SLC41A1: variants seen among roughly 807,000 people sequenced by gnomAD.
The protein encoded by SLC41A1 is solute carrier family 41 member 1.
A neutral mutation model predicts 47.3 loss-of-function variants in SLC41A1; 20 were observed. The observed-to-expected ratio is 0.42, with a 90% confidence interval of 0.30 to 0.61. SLC41A1 has a LOEUF of 0.61. Ranked by LOEUF, SLC41A1 falls within the 20% of genes least tolerant of loss-of-function variation. SLC41A1 has a pLI of 0.17. For missense variants in SLC41A1, 504 were observed against 674.1 expected (o/e 0.75, Z 2.79); for synonymous variants, 282 against 272.7 (o/e 1.03, Z -0.34).
At position 205,804,253 on chromosome 1, in the gene SLC41A1, C is replaced by T. The variant is rs750336081; in HGVS notation, c.373-3193G>A. On this transcript the variant is annotated intron_variant, in intron 2 of 10. Transcript: ENST00000367137. ...AAGGCAAGAACCTCTCTTTTCCTGT[C>T]GGAGCTCTCCCTGTGTGAATGGGGT... is the stretch of plus-strand genomic sequence containing the variant. 6.6e-5 allele frequency among the ~76,000 whole-genome samples: 10 copies of T among 152,112 alleles called. No homozygotes were observed. The East Asian group carries it at 7.7e-4, about 12-fold the overall frequency.
chr1:205,812,781 C>T, intron 1 of SLC41A1, 27 bp downstream of exon 1: 1 of 985,662 alleles, frequency 1.0e-6, no homozygotes, highest in Non-Finnish European at 1.2e-6. Flanking sequence ...CCACCCCCTC[C>T]CCGCCCCAGG....
chr1:205,809,994 G>A, intron 2 of SLC41A1, 76 bp downstream of exon 2: 2 of 1,599,582 alleles, frequency 1.3e-6, no homozygotes, highest in Non-Finnish European at 1.7e-6. Flanking sequence ...GGGAGGTAGA[G>A]AGGAAGTTCC....
At chr1:205,795,550 A>C (rs1305328576) in intron 8 of SLC41A1, 72 bp from the exon 9 acceptor site, 32 of 1,568,330 alleles carry the variant, frequency 2.0e-5, no homozygotes, top group African/African-American at 2.7e-5. Context: ...TGATCTTCTC[A>C]CTCTTTGTCT....
Position 205,795,382 on chromosome 1 carries a change from C to T in SLC41A1, c.1169G>A (p.Arg390His), listed in dbSNP as rs760882426. 12 of 1,614,172 alleles carry T rather than the reference C, an allele frequency of 7.4e-6. No individual in the cohort carries two copies. Among genetic ancestry groups the T allele is most frequent in the South Asian group, 2.2e-5 (2 of 91,080 alleles). ...MPGENSEQAPRRCPSPCTTFF... is the reference protein window; with the variant it reads ...MPGENSEQAPHRCPSPCTTFF... ...GGTGGTACAAGGACTGGGACAGCGG[C>T]GAGGAGCTTGCTCAGAGTTCTCTCC... The change falls in exon 9 of 11, where the codon CGC becomes CAC. Residue 390 changes from arginine to histidine, a missense_variant. Around this residue, in one of 2 missense-constraint regions of SLC41A1, gnomAD observed 421 missense variants for 601.6 expected, o/e 0.70. Coordinates refer to ENST00000367137, the MANE Select transcript of SLC41A1 (RefSeq NM_173854.6).
intron 2 of SLC41A1, among the ~76,000 whole-genome samples, chr1:205,802,831 T>A (rs1655921859): frequency 6.6e-6 from 1 of 152,086 alleles, no homozygotes; most frequent in African/African-American, 2.4e-5. Context: ...CTCATTAGGA[T>A]GGTTACTATT....
chr1:205,797,976 C>T lies in SLC41A1; in HGVS notation c.920G>A (p.Arg307Gln), dbSNP rs560410634. The T allele has an allele frequency of 1.5e-5, 24 of 1,614,120 alleles. No individual in the cohort carries two copies. The highest frequency in any genetic ancestry group is 1.6e-4 in the Middle Eastern group (1 of 6,062). Reference protein sequence around the residue: ...ALLPVWVVLARRSPATREVLY... With the variant: ...ALLPVWVVLAQRSPATREVLY... ...CACCTCCCTTGTGGCTGGACTTCGT[C>T]GGGCCAGCACCACCCAGACAGGCAG... is the stretch of plus-strand genomic sequence containing the variant. Residue 307 changes from arginine to glutamine, a missense_variant, in exon 7 of 11, where the codon CGA becomes CAA. Transcript: ENST00000367137.
At chr1:205,805,900 A>T (rs1414786617) in intron 2 of SLC41A1, among the ~76,000 whole-genome samples, 4 of 152,174 alleles carry the variant, frequency 2.6e-5, no homozygotes, top group Non-Finnish European at 5.9e-5. Flanking sequence ...GAGCCACCTC[A>T]GGAGGGTAGC....
chr1:205,792,082 G>T (rs549810563), intron 10 of SLC41A1, among the ~76,000 whole-genome samples: 41 of 152,274 alleles, frequency 2.7e-4, no homozygotes, highest in African/African-American at 9.9e-4. Context: ...CTCATTCTGG[G>T]GTCACTCCAA....
chr1:205,813,017 C>T lies in SLC41A1; in HGVS notation c.-856G>A. 1.0e-6 allele frequency: 1 copy of T among 985,544 alleles called. No homozygotes were observed. Among genetic ancestry groups the T allele is most frequent in the Non-Finnish European group, 1.2e-6 (1 of 830,010 alleles). 61.0% of individuals were successfully genotyped at this position (985,544 alleles called of 1,614,324 possible). A position where few individuals can be genotyped will look rare whatever the true frequency, so the allele number is the denominator to read the frequency against. On this transcript the variant is annotated 5_prime_UTR_variant, in exon 1 of 11. Transcript: ENST00000367137. ...TCGCTTCTGCGTTACAGCGAGGCCG[C>T]CGCTCCGCTTCCACGCGGGGGAGGT... is the stretch of plus-strand genomic sequence containing the variant.
intron 2 of SLC41A1, among the ~76,000 whole-genome samples, chr1:205,806,876 T>C (rs547857748): frequency 8.0e-4 from 122 of 152,302 alleles, no homozygotes; most frequent in African/African-American, 2.9e-3. Context: ...CAACTTTTTA[T>C]TTTTATTTTT....
chr1:205,798,066 G>C lies in SLC41A1; in HGVS notation c.845-15C>G. The C allele has an allele frequency of 2.5e-6, 4 of 1,614,180 alleles. No homozygotes were observed. The highest frequency in any genetic ancestry group is 3.4e-6 in the Non-Finnish European group (4 of 1,180,038). ...TCGCCAGTGATCTGAGAGGGCAGAG[G>C]TCAGAAGGAGATAAGCACTGTGTTT... On this transcript the variant is annotated splice_polypyrimidine_tract_variant and intron_variant, in intron 6 of 10. Coordinates refer to ENST00000367137, the MANE Select transcript of SLC41A1 (RefSeq NM_173854.6).
intron 8 of SLC41A1, 191 bp from the exon 9 acceptor site, chr1:205,795,669 C>T (rs1047766248): frequency 1.3e-5 from 9 of 696,378 alleles, no homozygotes; most frequent in Non-Finnish European, 2.2e-5. Flanking sequence ...AGACAAAGAC[C>T]CCTGCTTCCA....
At chr1:205,803,607 C>G (rs1376466776) in intron 2 of SLC41A1, among the ~76,000 whole-genome samples, 2 of 150,352 alleles carry the variant, frequency 1.3e-5, no homozygotes, top group Non-Finnish European at 3.0e-5. Context: ...AAACACTTAT[C>G]TGAGGTATCC....
At chr1:205,796,003 G>T (rs1235184393) in intron 8 of SLC41A1, 3 of 221,206 alleles carry the variant, frequency 1.4e-5, no homozygotes, top group Non-Finnish European at 1.8e-5. Context: ...GCCAGGACCT[G>T]TGCTGATTTC....
chr1:205,794,699 A>C (rs1198944464), intron 10 of SLC41A1, among the ~76,000 whole-genome samples, 171 bp downstream of exon 10: 1 of 151,916 alleles, frequency 6.6e-6, no homozygotes, highest in Non-Finnish European at 1.5e-5. Context: ...CATGTTGGTG[A>C]CTCTACTGGA....
rs887090123 is a variant in SLC41A1 at position 205,812,981 on chromosome 1, C to T, written c.-820G>A. 2.0e-6 allele frequency: 2 copies of T among 985,898 alleles called. No homozygotes were observed. The highest frequency in any genetic ancestry group is 2.4e-6 in the Non-Finnish European group (2 of 830,408). The allele number at this position is 985,898 out of a possible 1,614,324, so 61.1% of individuals were successfully genotyped here. A position where few individuals can be genotyped will look rare whatever the true frequency, so the allele number is the denominator to read the frequency against. ...GCGAGCGTCCAGCCGCGACACCCGG[C>T]TCGCTACATTTCGCTTCTGCGTTAC... is the stretch of plus-strand genomic sequence containing the variant. On this transcript the variant is annotated 5_prime_UTR_variant, in exon 1 of 11. Coordinates refer to ENST00000367137, the MANE Select transcript of SLC41A1 (RefSeq NM_173854.6).
intron 2 of SLC41A1, chr1:205,801,330 T>C: frequency 2.4e-6 from 1 of 420,594 alleles, no homozygotes; most frequent in Admixed American, 3.5e-5. Flanking sequence ...CCTTTTCTGT[T>C]TTCCTGGAGG....
At chr1:205,796,481 T>G in intron 8 of SLC41A1, 1 of 239,128 alleles carries the variant, frequency 4.2e-6, no homozygotes, top group Non-Finnish European at 8.3e-6. Context: ...TTTTGCCCAT[T>G]TTGCACATGC....
chr1:205,791,812 C>G lies in SLC41A1; in HGVS notation c.1357-94G>C. On this transcript the variant is annotated intron_variant, in intron 10 of 10. Transcript: ENST00000367137. The surrounding 1 kb of genome is among the most constrained non-coding windows in gnomAD (Gnocchi z 4.0). ...CAGACCCATTCAGTGCATCACAGGGCTTGGCTGGCCATAATCCTTACTTTT... is the reference window on the plus strand; with the variant it reads ...CAGACCCATTCAGTGCATCACAGGGGTTGGCTGGCCATAATCCTTACTTTT... 6.8e-7 allele frequency: 1 copy of G among 1,473,390 alleles called. No individual in the cohort carries two copies. Among genetic ancestry groups the G allele is most frequent in the South Asian group, 1.2e-5 (1 of 83,156 alleles). 91.3% of individuals were successfully genotyped at this position (1,473,390 alleles called of 1,614,324 possible).
Sources: gnomAD v4.1 joint callset for allele counts (sites outside exome capture counted in the v4.1 genomes callset) on GRCh38, gnomAD v4.1.1 for gene constraint, gnomAD v4.1.1 regional missense constraint, Gnocchi (gnomAD v3.1) non-coding constraint, MANE v1.5 for transcripts, NCBI Gene and HGNC (gene_info 2026-07-23, HGNC 2026-07-21) for gene names.